RAB2A: variants seen among roughly 807,000 people sequenced by gnomAD.
RAB2A encodes ras-related protein Rab-2A.
In RAB2A, 7 loss-of-function variants were observed where a neutral mutation model predicts 32.5. That is an observed-to-expected ratio of 0.22 (90% confidence interval 0.12 to 0.40). RAB2A has a LOEUF of 0.40. RAB2A is among the 10% of genes least tolerant of loss of function. The probability of loss-of-function intolerance (pLI) is 1.00; values close to 1 mark genes in which losing one functional copy is unlikely to be tolerated. For synonymous variants in RAB2A, 79 were observed against 85.2 expected (o/e 0.93, Z 0.40); for missense variants, 108 against 260.7 (o/e 0.41, Z 4.03).
intron 1 of RAB2A, among the ~76,000 whole-genome samples, chr8:60,519,837 G>A (rs114894242): frequency 0.01 from 1,534 of 151,936 alleles, 23 homozygotes; most frequent in African/African-American, 0.034. Flanking sequence ...AAGTGGTGTC[G>A]TTGTTGTTGT....
chr8:60,563,240 T>C (rs1808051121), intron 2 of RAB2A, among the ~76,000 whole-genome samples: 1 of 152,208 alleles, frequency 6.6e-6, no homozygotes, highest in African/African-American at 2.4e-5. Context: ...TATACAAATA[T>C]TCTTTAACCT....
At chr8:60,558,486 C>G (rs1807971635) in intron 1 of RAB2A, 1 of 509,664 alleles carries the variant, frequency 2.0e-6, no homozygotes, top group African/African-American at 1.9e-5. Flanking sequence ...ATAAAATGAA[C>G]TATTAACTAT....
chr8:60,572,151 A>C (rs1236298437), intron 3 of RAB2A, 38 bp downstream of exon 3: 3 of 1,457,504 alleles, frequency 2.1e-6, no homozygotes, highest in African/African-American at 1.4e-5. Flanking sequence ...ATCTCAGTAA[A>C]GTTACTTTAT....
rs201836844 is a variant in RAB2A, at chr8:60,620,797, C to A, written c.*28C>A. On this transcript the variant is annotated 3_prime_UTR_variant, in exon 8 of 8. Transcript: ENST00000262646. ...CTGTTTTTACTGTCTAGCTGCCCAA[C>A]GGGGCCTACTCACTTATTCTTTCAC... is the stretch of plus-strand genomic sequence containing the variant. The A allele has an allele frequency of 3.8e-6, 6 of 1,589,598 alleles. No individual in the cohort carries two copies. Among genetic ancestry groups the A allele is most frequent in the Middle Eastern group, 1.7e-4 (1 of 5,958 alleles).
At chr8:60,517,328 G>A in intron 1 of RAB2A, 75 bp downstream of exon 1, 1 of 1,325,226 alleles carries the variant, frequency 7.5e-7, no homozygotes, top group Non-Finnish European at 9.9e-7. Context: ...GGCGTCTGGC[G>A]GTGGCGGGGA....
At chr8:60,590,780 C>G (rs1195634432) in intron 5 of RAB2A, among the ~76,000 whole-genome samples, 5 of 151,178 alleles carry the variant, frequency 3.3e-5, no homozygotes, top group African/African-American at 7.3e-5. Flanking sequence ...TAGTGTTGAC[C>G]AAAGTTAACA....
chr8:60,597,050 A>T (rs1442978155), intron 6 of RAB2A, among the ~76,000 whole-genome samples: 1 of 152,188 alleles, frequency 6.6e-6, no homozygotes, highest in Non-Finnish European at 1.5e-5. Context: ...TTCCTCAAGG[A>T]TCTAGAACCA....
chr8:60,540,864 G>A (rs1277359969), intron 1 of RAB2A, among the ~76,000 whole-genome samples: 1 of 152,198 alleles, frequency 6.6e-6, no homozygotes, highest in Non-Finnish European at 1.5e-5. Context: ...ATGGTGATGA[G>A]AGATGACATT....
chr8:60,541,849 A>G (rs1312676241), intron 1 of RAB2A, among the ~76,000 whole-genome samples: 3 of 152,178 alleles, frequency 2.0e-5, no homozygotes, highest in Non-Finnish European at 4.4e-5. Context: ...AGTCCACGTC[A>G]CACCCAAGCT....
At chr8:60,548,508 C>A (rs867506043) in intron 1 of RAB2A, among the ~76,000 whole-genome samples, 1 of 39,436 alleles carries the variant, frequency 2.5e-5, no homozygotes, top group East Asian at 1.1e-3. Flanking sequence ...GCTGGCCGGG[C>A]GGGGGGCTGA....
intron 1 of RAB2A, among the ~76,000 whole-genome samples, chr8:60,528,796 A>C (rs916700917): frequency 6.6e-6 from 1 of 152,224 alleles, no homozygotes; most frequent in East Asian, 1.9e-4. Flanking sequence ...TGGTCTGTCA[A>C]ACTCCTGGCC....
At chr8:60,603,726 T>C (rs914734914) in intron 6 of RAB2A, among the ~76,000 whole-genome samples, 3 of 152,260 alleles carry the variant, frequency 2.0e-5, no homozygotes, top group African/African-American at 7.2e-5. Context: ...TATGATATTA[T>C]TATTAAAAAT....
intron 6 of RAB2A, among the ~76,000 whole-genome samples, chr8:60,594,729 GGT>G (rs1481082026): frequency 2.0e-5 from 3 of 152,242 alleles, no homozygotes; most frequent in Admixed American, 6.5e-5. Context: ...GAGAACATGC[GGT>G]GTTTGGTTTT....
intron 6 of RAB2A, among the ~76,000 whole-genome samples, chr8:60,611,532 A>G (rs1451580613): frequency 1.3e-5 from 2 of 152,178 alleles, no homozygotes; most frequent in Non-Finnish European, 2.9e-5. Context: ...TATCTATCCT[A>G]TATACCACAT....
At chr8:60,608,963 C>A (rs1804289847) in intron 6 of RAB2A, among the ~76,000 whole-genome samples, 1 of 152,144 alleles carries the variant, frequency 6.6e-6, no homozygotes, top group Non-Finnish European at 1.5e-5. Flanking sequence ...ATAATTGTAT[C>A]CTAATTGGAC....
intron 3 of RAB2A, among the ~76,000 whole-genome samples, 164 bp downstream of exon 3, chr8:60,572,277 A>G (rs943888133): frequency 6.6e-6 from 1 of 152,120 alleles, no homozygotes; most frequent in Non-Finnish European, 1.5e-5. Flanking sequence ...GGTTTTTCTT[A>G]TGCACTGTTT....
chr8:60,590,529 A>ATATATATATATATTT (rs1803922843), intron 5 of RAB2A, among the ~76,000 whole-genome samples: 1 of 146,288 alleles, frequency 6.8e-6, no homozygotes, highest in Non-Finnish European at 1.5e-5. Flanking sequence ...GTATACACAA[A>ATATATATATATATTT]TATATATATA....
chr8:60,578,065 C>G (rs1442414829), intron 3 of RAB2A, among the ~76,000 whole-genome samples: 1 of 152,164 alleles, frequency 6.6e-6, no homozygotes, highest in Admixed American at 6.5e-5. Context: ...CATCTGTCTT[C>G]TACATAGCTG....
At chr8:60,532,373 T>G (rs1309515629) in intron 1 of RAB2A, among the ~76,000 whole-genome samples, 1 of 152,306 alleles carries the variant, frequency 6.6e-6, no homozygotes. Context: ...AATAAATAGC[T>G]AAAAAGTAAT....
Sources: gnomAD v4.1 joint callset for allele counts (sites outside exome capture counted in the v4.1 genomes callset) on GRCh38, gnomAD v4.1.1 for gene constraint, MANE v1.5 for transcripts, NCBI Gene and HGNC (gene_info 2026-07-23, HGNC 2026-07-21) for gene names.